Variants in EPN2 observed in about 807,000 individuals in gnomAD.
The protein encoded by EPN2 is epsin 2.
EPN2 carries 34 observed loss-of-function variants against 61.7 expected under a neutral mutation model. The observed-to-expected ratio is 0.55, with a 90% CI of 0.42 to 0.73. The LOEUF is 0.73. EPN2 is among the 30% of genes least tolerant of loss of function. The pLI, the probability that EPN2 is intolerant of heterozygous loss-of-function variation, is 0.00. For missense variants in EPN2, 714 were observed against 839.2 expected, an observed-to-expected ratio of 0.85 and a Z score of 1.84; for synonymous variants, 349 against 353.6, an observed-to-expected ratio of 0.99 and a Z score of 0.15.
At chr17:19,307,794 T>C in intron 4 of EPN2, 1 of 563,978 alleles carries the variant, frequency 1.8e-6, no homozygotes, top group Non-Finnish European at 2.2e-6. Context: ...GCAGCCTCTT[T>C]CTACCTCCCC....
chr17:19,291,704 T>A (rs1222937003), intron 4 of EPN2, among the ~76,000 whole-genome samples: 1 of 152,128 alleles, frequency 6.6e-6, no homozygotes, highest in South Asian at 2.1e-4. Context: ...CCTCCCAAAG[T>A]GCTGGAATTA....
intron 1 of EPN2, among the ~76,000 whole-genome samples, chr17:19,265,163 C>G (rs1387736252): frequency 6.6e-6 from 1 of 152,090 alleles, no homozygotes; most frequent in Non-Finnish European, 1.5e-5. Flanking sequence ...GATGCCGAGA[C>G]AGGAGGATTG....
chr17:19,255,326 A>G (rs1318550814), intron 1 of EPN2, among the ~76,000 whole-genome samples: 1 of 152,098 alleles, frequency 6.6e-6, no homozygotes, highest in Non-Finnish European at 1.5e-5. Flanking sequence ...AGCTCAGTTC[A>G]GAGCCATCAT....
At chr17:19,328,348 G>A (rs1007281834) in intron 7 of EPN2, among the ~76,000 whole-genome samples, 1 of 152,156 alleles carries the variant, frequency 6.6e-6, no homozygotes, top group Non-Finnish European at 1.5e-5. Context: ...ATTCTGTGGG[G>A]AGATAGGTTT....
chr17:19,302,050 T>A (rs1905550658), intron 4 of EPN2, among the ~76,000 whole-genome samples: 1 of 152,200 alleles, frequency 6.6e-6, no homozygotes, highest in African/African-American at 2.4e-5. Flanking sequence ...TGGGCCCCGG[T>A]GTCCTCATCA....
At chr17:19,284,408 A>C (rs923138861) in intron 3 of EPN2, among the ~76,000 whole-genome samples, 1 of 152,162 alleles carries the variant, frequency 6.6e-6, no homozygotes, top group African/African-American at 2.4e-5. Context: ...TGTGAGTCAC[A>C]TTGGCATCCT....
At chr17:19,259,513 C>T (rs1188011471) in intron 1 of EPN2, among the ~76,000 whole-genome samples, 2 of 152,002 alleles carry the variant, frequency 1.3e-5, no homozygotes, top group Non-Finnish European at 2.9e-5. Flanking sequence ...GGGGTTTCAC[C>T]GTGTTAGCCA....
intron 1 of EPN2, among the ~76,000 whole-genome samples, chr17:19,276,924 C>T (rs559594894): frequency 6.6e-6 from 1 of 152,100 alleles, no homozygotes; most frequent in Non-Finnish European, 1.5e-5. Flanking sequence ...TGATCACACA[C>T]TTCCTCAGGT....
chr17:19,329,886 C>T (rs1349999363), intron 9 of EPN2, among the ~76,000 whole-genome samples: 2 of 152,200 alleles, frequency 1.3e-5, no homozygotes, highest in African/African-American at 4.8e-5. Flanking sequence ...CTGCAGATTC[C>T]ACAGCCCCGG....
At chr17:19,308,615 G>A (rs530327215) in intron 4 of EPN2, 4 of 985,284 alleles carry the variant, frequency 4.1e-6, no homozygotes, top group Non-Finnish European at 2.4e-6. Flanking sequence ...GAGGAGGTGG[G>A]TGCGCTGAGG....
At chr17:19,248,147 G>A (rs999540360) in intron 1 of EPN2, among the ~76,000 whole-genome samples, 1 of 152,210 alleles carries the variant, frequency 6.6e-6, no homozygotes, top group African/African-American at 2.4e-5. Context: ...GTAATGTGGT[G>A]CGGGGACTGG....
chr17:19,260,157 ACTTGCT>A (rs2152207548), intron 1 of EPN2, among the ~76,000 whole-genome samples: 1 of 152,308 alleles, frequency 6.6e-6, no homozygotes, highest in Admixed American at 6.5e-5. Flanking sequence ...CTGAGGAAGG[ACTTGCT>A]GCACAAGTGG....
At chr17:19,257,023 G>A (rs1259569114) in intron 1 of EPN2, among the ~76,000 whole-genome samples, 2 of 152,274 alleles carry the variant, frequency 1.3e-5, no homozygotes, top group Middle Eastern at 3.4e-3. Flanking sequence ...TGATTTAAAA[G>A]AATACTGGTA....
At chr17:19,303,036 C>A (rs765083902) in intron 4 of EPN2, among the ~76,000 whole-genome samples, 1 of 152,220 alleles carries the variant, frequency 6.6e-6, no homozygotes, top group African/African-American at 2.4e-5. Context: ...ACAGAGTGTG[C>A]GTTCAGTCGC....
At position 19,285,548 on chromosome 17, in the gene EPN2, T is replaced by G; in HGVS notation, c.596-72T>G. 1 of 1,390,688 alleles carries G rather than the reference T, an allele frequency of 7.2e-7. No homozygotes were observed. The highest frequency in any genetic ancestry group is 1.6e-5 in the South Asian group (1 of 60,778). 86.1% of individuals were successfully genotyped at this position (1,390,688 alleles called of 1,614,324 possible). On this transcript the variant is annotated intron_variant, in intron 3 of 10. Transcript: ENST00000314728. The surrounding 1 kb of genome is among the most constrained non-coding windows in gnomAD (Gnocchi z 4.5). The stretch of plus-strand genomic sequence containing the variant: ...ACCCCGAGTGGCCTTGGCCCGTACC[T>G]CCTGCAGGGGCTGCTGCGCACCCTC...
intron 9 of EPN2, 47 bp downstream of exon 9, chr17:19,329,694 C>A: frequency 1.8e-6 from 2 of 1,121,500 alleles, no homozygotes; most frequent in South Asian, 2.7e-5. Flanking sequence ...TGCATTTGAC[C>A]AGCTGAGTTA....
chr17:19,322,254 G>T (rs1906672580), intron 7 of EPN2, among the ~76,000 whole-genome samples: 1 of 152,204 alleles, frequency 6.6e-6, no homozygotes, highest in Non-Finnish European at 1.5e-5. Flanking sequence ...AGGCCATGAG[G>T]AAACGAAAGG....
At chr17:19,303,533 C>T (rs557422892) in intron 4 of EPN2, among the ~76,000 whole-genome samples, 18 of 152,302 alleles carry the variant, frequency 1.2e-4, no homozygotes, top group Admixed American at 3.9e-4. Flanking sequence ...TCCTGAGAAC[C>T]GGAATCACGG....
At chr17:19,240,586 T>G (rs989086294) in intron 1 of EPN2, among the ~76,000 whole-genome samples, 1 of 152,180 alleles carries the variant, frequency 6.6e-6, no homozygotes, top group Admixed American at 6.5e-5. Context: ...ATGTGAGGAA[T>G]TACGTAGTTT....
Sources: gnomAD v4.1 joint callset for allele counts (sites outside exome capture counted in the v4.1 genomes callset) on GRCh38, gnomAD v4.1.1 for gene constraint, Gnocchi (gnomAD v3.1) non-coding constraint, MANE v1.5 for transcripts, NCBI Gene and HGNC (gene_info 2026-07-23, HGNC 2026-07-21) for gene names.